The following MYO18B variants were observed in gnomAD, a reference collection of about 807,000 sequenced individuals.
MYO18B encodes the protein myosin XVIIIB.
MYO18B carries 204 observed loss-of-function variants against 273.0 expected under a neutral mutation model. The ratio of observed to expected loss-of-function variants is 0.75; its 90% CI spans 0.67 to 0.84. MYO18B has a LOEUF of 0.84. Ranked by LOEUF, MYO18B falls within the 40% of genes least tolerant of loss-of-function variation. MYO18B has a pLI of 0.00. For missense variants in MYO18B, 3,212 were observed against 3,287.6 expected (o/e 0.98, Z 0.56); for synonymous variants, 1,330 against 1,305.7 (o/e 1.02, Z -0.40).
At chr22:26,047,469 C>T in the MYO18B span, among the ~76,000 whole-genome samples, 5 of 152,078 alleles carry the variant, frequency 3.3e-5, no homozygotes, top group Admixed American at 6.6e-5. Flanking sequence ...GGGGATGCTA[C>T]AAAAAGGCAT....
chr22:25,984,336 ACCAGGGCC>A (rs1214745707), intron 39 of MYO18B, among the ~76,000 whole-genome samples: 1 of 152,032 alleles, frequency 6.6e-6, no homozygotes, highest in Non-Finnish European at 1.5e-5. Context: ...CTCCCCACTC[ACCAGGGCC>A]TCTCTGGAAG....
At chr22:25,946,279 A>T in intron 35 of MYO18B, 29 bp downstream of exon 35, 1 of 1,510,918 alleles carries the variant, frequency 6.6e-7, no homozygotes, top group Non-Finnish European at 9.0e-7. Context: ...AGCTGCAGGG[A>T]CCTGGGCCAG....
the MYO18B span, among the ~76,000 whole-genome samples, chr22:26,043,393 C>T: frequency 0.026 from 3,941 of 151,852 alleles, 166 homozygotes; most frequent in African/African-American, 0.089. Context: ...TATGGACATT[C>T]GTTTTTGTTA....
intron 34 of MYO18B, among the ~76,000 whole-genome samples, chr22:25,921,766 G>A (rs1191514914): frequency 6.7e-6 from 1 of 149,072 alleles, no homozygotes; most frequent in Non-Finnish European, 1.5e-5. Flanking sequence ...ATGCGTGTAT[G>A]CGTGTGTGTG....
At chr22:26,060,450 T>C in the MYO18B span, among the ~76,000 whole-genome samples, 11 of 152,394 alleles carry the variant, frequency 7.2e-5, no homozygotes, top group Middle Eastern at 0.01. Context: ...TGTTCTGCAA[T>C]GCAGGAAGTT....
chr22:25,816,553 C>A (rs1172500580), intron 12 of MYO18B, among the ~76,000 whole-genome samples: 1 of 119,362 alleles, frequency 8.4e-6, no homozygotes, highest in African/African-American at 3.2e-5. Context: ...TCAATGTGTT[C>A]TCATTGTTCA....
intron 21 of MYO18B, among the ~76,000 whole-genome samples, chr22:25,861,770 C>A (rs11703975): frequency 0.04 from 6,138 of 152,256 alleles, 175 homozygotes; most frequent in East Asian, 0.13. Context: ...CATTTGAACA[C>A]CCCTTCTAGT....
chr22:26,062,165 C>T, the MYO18B span, among the ~76,000 whole-genome samples: 3 of 152,138 alleles, frequency 2.0e-5, no homozygotes, highest in African/African-American at 7.2e-5. Context: ...CTTCTGGTGA[C>T]AGTATAACTC....
chr22:25,939,229 G>A (rs989141331), intron 34 of MYO18B, among the ~76,000 whole-genome samples: 4 of 152,198 alleles, frequency 2.6e-5, no homozygotes, highest in Admixed American at 2.6e-4. Context: ...AAATTGGCTT[G>A]CATAGAAAAA....
chr22:25,921,126 A>T, intron 33 of MYO18B, 131 bp from the exon 34 acceptor site: 1 of 869,216 alleles, frequency 1.2e-6, no homozygotes, highest in East Asian at 2.7e-5. Context: ...GGAGAGGAGA[A>T]TGGTCTTGTC....
At position 26,027,434 on chromosome 22, in the gene MYO18B, G is replaced by A; in HGVS notation, c.7460G>A (p.Gly2487Glu). 1 of 1,613,908 alleles carries A rather than the reference G, an allele frequency of 6.2e-7. No individual in the cohort carries two copies. The highest frequency in any genetic ancestry group is 8.5e-7 in the Non-Finnish European group (1 of 1,179,884). The change falls in exon 43 of 44, where the codon GGG becomes GAG. Residue 2487 changes from glycine (G) to glutamate (E), a missense_variant. Transcript: ENST00000335473. This position sits in a 1 kb window ranked among gnomAD's most constrained non-coding sequence, Gnocchi z 4.1. Reference sequence around the variant, plus strand: ...GAGGCTAACCGTTCCTTTCTCTCGGGGATCAAGACCATTTTGAAGAAGAGC... The same window carrying A: ...GAGGCTAACCGTTCCTTTCTCTCGGAGATCAAGACCATTTTGAAGAAGAGC... ...TEEANRSFLSGIKTILKKSPE... is the reference protein window; with the variant it reads ...TEEANRSFLSEIKTILKKSPE...
At chr22:25,834,691 G>C (rs994723824) in intron 16 of MYO18B, among the ~76,000 whole-genome samples, 1 of 152,126 alleles carries the variant, frequency 6.6e-6, no homozygotes, top group African/African-American at 2.4e-5. Context: ...GCCTCTCTCA[G>C]TTTCCCATAT....
chr22:25,952,362 C>A lies in MYO18B; in HGVS notation c.5909C>A (p.Ala1970Glu). 1.2e-6 allele frequency: 2 copies of A among 1,612,598 alleles called. No homozygotes were observed. Among genetic ancestry groups the A allele is most frequent in the Non-Finnish European group, 1.7e-6 (2 of 1,179,422 alleles). ...VDRAIVSRQEAVICDLENKTE... is the reference protein window; with the variant it reads ...VDRAIVSRQEEVICDLENKTE... ...CGAGCCATCGTCAGCAGGCAGGAGG[C>A]GGTCATCTGTGACCTAGAGAACAAG... The change falls in exon 38 of 44, where the codon GCG becomes GAG. Residue 1970 changes from alanine to glutamate, a missense_variant. Coordinates refer to ENST00000335473, the MANE Select transcript of MYO18B (RefSeq NM_032608.7).
intron 36 of MYO18B, 80 bp from the exon 37 acceptor site, chr22:25,950,287 A>T: frequency 8.2e-7 from 1 of 1,215,932 alleles, no homozygotes; most frequent in Non-Finnish European, 1.2e-6. Flanking sequence ...TGGGGAAAGT[A>T]GGGATTTTCA....
rs924019741 is a variant in MYO18B at position 25,984,199 on chromosome 22, T to G, written c.6157-8164T>G. 4.0e-4 allele frequency among the ~76,000 whole-genome samples: 61 copies of G among 152,216 alleles called. 1 individual carries two copies. Among genetic ancestry groups the G allele is most frequent in the Admixed American group, 4.0e-3 (61 of 15,282 alleles). ...AATACAGTACTGTCATTTTACCAGATGAGGAACTGAAGGTAAGAAAGGATT... is the reference window on the plus strand; with the variant it reads ...AATACAGTACTGTCATTTTACCAGAGGAGGAACTGAAGGTAAGAAAGGATT... On this transcript the variant is annotated intron_variant, in intron 39 of 43. Transcript: ENST00000335473.
chr22:25,911,873 A>G (rs919885809), intron 33 of MYO18B, among the ~76,000 whole-genome samples: 3 of 152,164 alleles, frequency 2.0e-5, no homozygotes, highest in Non-Finnish European at 4.4e-5. Context: ...CACCTCCTAG[A>G]TACTCTATTC....
intron 11 of MYO18B, among the ~76,000 whole-genome samples, chr22:25,788,220 A>G: frequency 6.6e-6 from 1 of 152,198 alleles, no homozygotes; most frequent in East Asian, 1.9e-4. Context: ...CAGAAGAAAA[A>G]TAAAGTCTGA....
intron 39 of MYO18B, among the ~76,000 whole-genome samples, chr22:25,971,851 ATT>A (rs1331417167): frequency 1.3e-5 from 2 of 152,258 alleles, no homozygotes; most frequent in Non-Finnish European, 2.9e-5. Context: ...TCATGTTTGC[ATT>A]TTAACTGGTA....
At chr22:25,904,392 C>T (rs1395994346) in intron 31 of MYO18B, among the ~76,000 whole-genome samples, 1 of 152,168 alleles carries the variant, frequency 6.6e-6, no homozygotes, top group Non-Finnish European at 1.5e-5. Flanking sequence ...CCACATGAAC[C>T]TTATGTAGGG....
Sources: allele counts gnomAD v4.1 joint callset (sites outside exome capture counted in the v4.1 genomes callset), GRCh38; gene constraint gnomAD v4.1.1; non-coding constraint Gnocchi (gnomAD v3.1); transcripts MANE v1.5; gene names NCBI Gene and HGNC (gene_info 2026-07-23, HGNC 2026-07-21).